The following FOXO1 variants were observed in gnomAD, a reference collection of about 807,000 sequenced individuals.
FOXO1 encodes forkhead box O1, also known as forkhead box protein O1.
In FOXO1, 6 loss-of-function variants were observed where a neutral mutation model predicts 44.1. That is an observed-to-expected ratio of 0.14 (90% CI 0.07 to 0.27). The LOEUF (loss-of-function observed/expected upper bound fraction) is 0.27, where lower values mean the gene tolerates loss of function less well. Among genes scored for constraint, FOXO1 ranks in the 10% least tolerant of loss-of-function variants. FOXO1 has a pLI of 1.00. For missense variants in FOXO1, 737 were observed against 888.8 expected, an observed-to-expected ratio of 0.83 and a Z score of 2.17; for synonymous variants, 380 against 362.7, an observed-to-expected ratio of 1.05 and a Z score of -0.54.
chr13:40,638,412 C>G (rs1877232184), intron 1 of FOXO1, among the ~76,000 whole-genome samples: 1 of 151,992 alleles, frequency 6.6e-6, no homozygotes, highest in African/African-American at 2.4e-5. Flanking sequence ...TAAAATTTGT[C>G]ATTTTTAAAT....
intron 1 of FOXO1, among the ~76,000 whole-genome samples, chr13:40,604,028 G>T (rs572937715): frequency 7.6e-4 from 116 of 152,168 alleles, no homozygotes; most frequent in Non-Finnish European, 3.4e-4. Flanking sequence ...AGGTGAGAAA[G>T]CTGGAGCAGA....
At chr13:40,645,122 A>C (rs1877469555) in intron 1 of FOXO1, among the ~76,000 whole-genome samples, 1 of 152,162 alleles carries the variant, frequency 6.6e-6, no homozygotes, top group Non-Finnish European at 1.5e-5. Flanking sequence ...ATGAGTTTGT[A>C]GTTCTCTCCT....
chr13:40,664,430 C>T (rs1187656784), intron 1 of FOXO1, among the ~76,000 whole-genome samples: 5 of 152,034 alleles, frequency 3.3e-5, no homozygotes. Context: ...GCCTTCTCCT[C>T]GGAGTCGGGA....
At position 40,592,476 on chromosome 13, in the gene FOXO1, G is replaced by A. The variant is rs574422685; in HGVS notation, c.631-31616C>T. On this transcript the variant is annotated intron_variant, in intron 1 of 2. Transcript: ENST00000379561. ...AGCTTTTCACTTTCTGAATAGCAGC[G>A]AAGCAGAAAAGACAACTTAAACCAG... Among the ~76,000 whole-genome samples the A allele has an allele frequency of 1.3e-4, 20 of 152,274 alleles. No homozygotes were observed. In the East Asian group the frequency reaches 1.4e-3, roughly 10 times the overall value.
At position 40,666,427 on chromosome 13, in the gene FOXO1, G is replaced by A; in HGVS notation, c.-215C>T. On this transcript the variant is annotated 5_prime_UTR_variant, in exon 1 of 3. Transcript: ENST00000379561. ...GGGCCATCCACATCGAGGCTCCTCGGGGTCCGCCGCACGGACTGGACGGCC... is the reference window on the plus strand; with the variant it reads ...GGGCCATCCACATCGAGGCTCCTCGAGGTCCGCCGCACGGACTGGACGGCC... The A allele has an allele frequency of 2.4e-6, 1 of 410,692 alleles. No homozygotes were observed. Among genetic ancestry groups the A allele is most frequent in the Non-Finnish European group, 4.3e-6 (1 of 232,448 alleles). The allele number at this position is 410,692 out of a possible 1,614,324, so 25.4% of individuals were successfully genotyped here.
intron 1 of FOXO1, chr13:40,620,493 G>A: frequency 3.7e-6 from 2 of 544,846 alleles, no homozygotes; most frequent in Non-Finnish European, 6.8e-6. Context: ...GACTGGGTCT[G>A]GAGAATCTAG....
chr13:40,620,816 T>TTTTTTTTA (rs1876585042), intron 1 of FOXO1, among the ~76,000 whole-genome samples: 3 of 149,830 alleles, frequency 2.0e-5, no homozygotes, highest in East Asian at 2.0e-4. Flanking sequence ...TTTTTTTTTT[T>TTTTTTTTA]GAGATGGAGT....
chr13:40,618,707 A>G (rs1876506190), intron 1 of FOXO1: 1 of 420,326 alleles, frequency 2.4e-6, no homozygotes, highest in African/African-American at 2.1e-5. Context: ...AAGCATATTG[A>G]AAGGAAAATA....
chr13:40,653,929 C>G (rs1167442958), intron 1 of FOXO1, among the ~76,000 whole-genome samples: 1 of 152,128 alleles, frequency 6.6e-6, no homozygotes, highest in Non-Finnish European at 1.5e-5. Context: ...AGTCACAAAA[C>G]CATGACCTAT....
chr13:40,621,984 A>G (rs1876631562), intron 1 of FOXO1, among the ~76,000 whole-genome samples: 1 of 152,208 alleles, frequency 6.6e-6, no homozygotes, highest in African/African-American at 2.4e-5. Flanking sequence ...CTCAGAGAGA[A>G]AAGGGATTCG....
At chr13:40,643,359 A>G (rs112426529) in intron 1 of FOXO1, among the ~76,000 whole-genome samples, 13 of 151,972 alleles carry the variant, frequency 8.6e-5, no homozygotes, top group African/African-American at 1.2e-4. Context: ...AAAAAAAAAA[A>G]AAAAGAAAAG....
intron 1 of FOXO1, among the ~76,000 whole-genome samples, chr13:40,658,503 C>T (rs1032261357): frequency 7.2e-5 from 11 of 152,094 alleles, no homozygotes; most frequent in Non-Finnish European, 1.3e-4. Context: ...AGTGGGACCT[C>T]CAGAGCCTTT....
intron 1 of FOXO1, among the ~76,000 whole-genome samples, chr13:40,575,111 T>C (rs1874693037): frequency 6.6e-6 from 1 of 151,888 alleles, no homozygotes; most frequent in Non-Finnish European, 1.5e-5. Flanking sequence ...GAGGGAGGAT[T>C]GCTTGAGCAC....
chr13:40,623,520 T>G (rs1392372633), intron 1 of FOXO1, among the ~76,000 whole-genome samples: 1 of 152,156 alleles, frequency 6.6e-6, no homozygotes, highest in Non-Finnish European at 1.5e-5. Context: ...TTCAACAGTT[T>G]TTTTTCTTTT....
chr13:40,619,476 C>T, intron 1 of FOXO1: 1 of 1,286,780 alleles, frequency 7.8e-7, no homozygotes, highest in Non-Finnish European at 1.1e-6. Context: ...CAAACTCGAA[C>T]AGTGGAGAGT....
At chr13:40,584,555 G>C (rs1303707460) in intron 1 of FOXO1, among the ~76,000 whole-genome samples, 1 of 149,996 alleles carries the variant, frequency 6.7e-6, no homozygotes, top group African/African-American at 2.4e-5. Flanking sequence ...GGCTGAGGTA[G>C]GAGGATCACC....
intron 1 of FOXO1, among the ~76,000 whole-genome samples, chr13:40,624,200 A>T (rs1876710078): frequency 6.6e-6 from 1 of 151,766 alleles, no homozygotes; most frequent in Non-Finnish European, 1.5e-5. Flanking sequence ...TATGTGGCCT[A>T]ATCCCAATTC....
chr13:40,649,557 G>A (rs1290789085), intron 1 of FOXO1, among the ~76,000 whole-genome samples: 6 of 152,090 alleles, frequency 3.9e-5, no homozygotes, highest in Admixed American at 2.0e-4. Flanking sequence ...TATTTTCATC[G>A]CAAAGGAAAT....
intron 1 of FOXO1, among the ~76,000 whole-genome samples, chr13:40,581,235 G>A (rs1230943991): frequency 1.3e-5 from 2 of 152,162 alleles, no homozygotes; most frequent in African/African-American, 4.8e-5. Context: ...CAAAAAAGGG[G>A]AGCGAGCACA....
Sources: allele counts gnomAD v4.1 joint callset (sites outside exome capture counted in the v4.1 genomes callset), GRCh38; gene constraint gnomAD v4.1.1; transcripts MANE v1.5; gene names NCBI Gene and HGNC (gene_info 2026-07-23, HGNC 2026-07-21).